The following TRHDE variants were observed in gnomAD, a reference collection of about 807,000 sequenced individuals.
TRHDE encodes thyrotropin-releasing hormone-degrading ectoenzyme.
A neutral mutation model predicts 125.7 loss-of-function variants in TRHDE; 72 were observed. That is an observed-to-expected ratio of 0.57 (90% CI 0.47 to 0.70). TRHDE has a LOEUF of 0.70. Among genes scored for constraint, TRHDE ranks in the 30% least tolerant of loss-of-function variants. The probability of loss-of-function intolerance (pLI) is 0.00; values close to 1 mark genes in which losing one functional copy is unlikely to be tolerated. For missense variants in TRHDE, 1,110 were observed against 1,327.1 expected, an observed-to-expected ratio of 0.84 and a Z score of 2.54; for synonymous variants, 509 against 509.1, an observed-to-expected ratio of 1.00 and a Z score of 0.00.
In TRHDE at chr12:72,134,904, T is replaced by A. The variant is rs538298308; in HGVS notation, n.279+29152T>A. Reference sequence around the variant, plus strand: ...AAGCAATGACTAATAGCTATTGTGATACTGCCTTAATTATTTCAAGCCAAC... The same window carrying A: ...AAGCAATGACTAATAGCTATTGTGAAACTGCCTTAATTATTTCAAGCCAAC... On this transcript the variant is annotated intron_variant and non_coding_transcript_variant, in intron 2 of 4. Coordinates refer to the TRHDE transcript ENST00000548156. 4.9e-4 allele frequency among the ~76,000 whole-genome samples: 74 copies of A among 152,308 alleles called. 1 individual carries two copies. The highest frequency in any genetic ancestry group is 1.6e-3 in the African/African-American group (66 of 41,574).
intron 15 of TRHDE, among the ~76,000 whole-genome samples, chr12:72,640,136 C>G (rs898555398): frequency 2.0e-5 from 3 of 152,236 alleles, no homozygotes; most frequent in African/African-American, 7.2e-5. Flanking sequence ...TCTCAGACTG[C>G]TGTGCTAGCA....
chr12:72,219,688 C>T (rs1374064158), intron 2 of TRHDE, among the ~76,000 whole-genome samples: 1 of 152,144 alleles, frequency 6.6e-6, no homozygotes, highest in East Asian at 1.9e-4. Flanking sequence ...TTTTTGTGCA[C>T]TACAAGTGCA....
At chr12:72,253,053 T>G (rs2139388270) in intron 2 of TRHDE, among the ~76,000 whole-genome samples, 1 of 152,244 alleles carries the variant, frequency 6.6e-6, no homozygotes, top group African/African-American at 2.4e-5. Context: ...AATAATGTAG[T>G]TTTGTTCAAC....
At chr12:72,610,357 T>C (rs984232475) in intron 12 of TRHDE, among the ~76,000 whole-genome samples, 6 of 152,244 alleles carry the variant, frequency 3.9e-5, no homozygotes, top group African/African-American at 1.4e-4. Flanking sequence ...ATTTTTCTCA[T>C]GTAAGCATAG....
At chr12:72,159,605 A>G (rs146840678) in intron 2 of TRHDE, among the ~76,000 whole-genome samples, 59 of 152,350 alleles carry the variant, frequency 3.9e-4, no homozygotes, top group Non-Finnish European at 7.1e-4. Flanking sequence ...ACTTTGGCAA[A>G]ATACGTTTGA....
At chr12:72,385,695 C>G (rs1251240043) in intron 3 of TRHDE, among the ~76,000 whole-genome samples, 3 of 152,154 alleles carry the variant, frequency 2.0e-5, no homozygotes, top group East Asian at 3.9e-4. Context: ...ATTAATTACT[C>G]TATAATATGG....
At chr12:72,242,791 T>A (rs1878508100) in intron 2 of TRHDE, among the ~76,000 whole-genome samples, 1 of 152,200 alleles carries the variant, frequency 6.6e-6, no homozygotes, top group South Asian at 2.1e-4. Context: ...TTGTCCTATG[T>A]GTTTTGTCCT....
In TRHDE at chr12:72,563,004, G is replaced by A. The variant is rs751057779; in HGVS notation, c.2006G>A (p.Ser669Asn). ...ITQQHFIYDI[S>N]AKTKALKLQN... ...CAACAGCATTTTATCTATGATATCAGTGCTAAAACTAAAGCACTTAAACTT... is the reference window on the plus strand; with the variant it reads ...CAACAGCATTTTATCTATGATATCAATGCTAAAACTAAAGCACTTAAACTT... The change falls in exon 9 of 19, where the codon AGT (serine) becomes AAT (asparagine). Residue 669 changes from serine to asparagine, a missense_variant. By Grantham distance (46) the Ser-to-Asn change is conservative. Transcript: ENST00000261180. The A allele has an allele frequency of 5.0e-6, 8 of 1,604,460 alleles. No individual in the cohort carries two copies. The highest frequency in any genetic ancestry group is 3.4e-6 in the Non-Finnish European group (4 of 1,176,476).
intron 2 of TRHDE, among the ~76,000 whole-genome samples, chr12:72,362,121 C>A (rs1254019430): frequency 1.6e-5 from 2 of 128,400 alleles, no homozygotes; most frequent in African/African-American, 6.1e-5. Context: ...AGTCCTAGAT[C>A]CCTGAGGAAT....
In TRHDE at chr12:72,466,630, T is replaced by C. The variant is rs375138294; in HGVS notation, c.1316-3128T>C. Among the ~76,000 whole-genome samples the C allele has an allele frequency of 3.3e-5, 5 of 152,336 alleles. No individual in the cohort carries two copies. In the East Asian group the frequency reaches 9.6e-4, roughly 29 times the overall value. On this transcript the variant is annotated intron_variant, in intron 3 of 18. Coordinates refer to ENST00000261180, the MANE Select transcript of TRHDE (RefSeq NM_013381.3). ...GTTCTCTGATCTATGTTCCTCCTCT[T>C]TATGTATTTCAGCCACATCACCCTT... is the stretch of plus-strand genomic sequence containing the variant.
At chr12:72,583,477 A>G (rs1461934492) in intron 12 of TRHDE, among the ~76,000 whole-genome samples, 1 of 152,176 alleles carries the variant, frequency 6.6e-6, no homozygotes, top group Non-Finnish European at 1.5e-5. Context: ...ACATGCAAAA[A>G]AAGTCACCTT....
At chr12:72,138,191 A>G (rs540832548) in intron 2 of TRHDE, among the ~76,000 whole-genome samples, 15 of 152,244 alleles carry the variant, frequency 9.9e-5, no homozygotes, top group African/African-American at 3.4e-4. Flanking sequence ...CCTGGCAAAC[A>G]TGGTGAAACC....
chr12:72,582,507 T>C, intron 12 of TRHDE: 7 of 985,452 alleles, frequency 7.1e-6, no homozygotes, highest in Non-Finnish European at 8.4e-6. Flanking sequence ...GTACCTCGTT[T>C]AAGGTTTCTC....
chr12:72,312,560 T>A (rs1370384781), intron 2 of TRHDE, among the ~76,000 whole-genome samples: 1 of 152,172 alleles, frequency 6.6e-6, no homozygotes, highest in African/African-American at 2.4e-5. Flanking sequence ...TATGTAACAA[T>A]GTGGTGGGTG....
intron 3 of TRHDE, among the ~76,000 whole-genome samples, chr12:72,457,895 T>A (rs896058373): frequency 1.3e-5 from 2 of 152,120 alleles, no homozygotes; most frequent in Non-Finnish European, 2.9e-5. Flanking sequence ...ATAAATAGTA[T>A]TGTTTTCATA....
At position 72,608,955 on chromosome 12, in the gene TRHDE, A is replaced by T. The variant is rs1189359873; in HGVS notation, c.2322-9936A>T. 2.6e-5 allele frequency among the ~76,000 whole-genome samples: 4 copies of T among 152,060 alleles called. No homozygotes were observed. In the East Asian group the frequency reaches 5.8e-4, roughly 22 times the overall value. On this transcript the variant is annotated intron_variant, in intron 12 of 18. Coordinates refer to ENST00000261180, the MANE Select transcript of TRHDE (RefSeq NM_013381.3). ...AAAACTTTTTTGAGCCTCAATTTTG[A>T]TCTGTAGAATGGGGATGGTAATACT... is the stretch of plus-strand genomic sequence containing the variant.
chr12:72,476,530 G>A (rs1338514788), intron 5 of TRHDE, among the ~76,000 whole-genome samples: 1 of 152,140 alleles, frequency 6.6e-6, no homozygotes, highest in East Asian at 1.9e-4. Context: ...TGTGATATGC[G>A]TAAAAGCTTG....
intron 3 of TRHDE, among the ~76,000 whole-genome samples, chr12:72,452,517 G>A (rs1433589762): frequency 2.0e-5 from 3 of 152,088 alleles, no homozygotes; most frequent in Non-Finnish European, 4.4e-5. Flanking sequence ...GTCTTGTTCT[G>A]GATTTCAGAG....
chr12:72,460,925 A>G (rs1189876811), intron 3 of TRHDE, among the ~76,000 whole-genome samples: 1 of 152,142 alleles, frequency 6.6e-6, no homozygotes, highest in Non-Finnish European at 1.5e-5. Context: ...TTTTTCAGGG[A>G]AAAAGGAAAT....
Sources: gnomAD v4.1 joint callset for allele counts (sites outside exome capture counted in the v4.1 genomes callset) on GRCh38, gnomAD v4.1.1 for gene constraint, MANE v1.5 for transcripts, NCBI Gene and HGNC (gene_info 2026-07-23, HGNC 2026-07-21) for gene names.